The following AXIN1 variants were observed in gnomAD, a reference collection of about 807,000 sequenced individuals.
AXIN1 encodes axin-1.
AXIN1 carries 30 observed loss-of-function variants against 76.4 expected under a neutral mutation model. The observed-to-expected ratio is 0.39, with a 90% confidence interval of 0.29 to 0.53. The LOEUF is 0.53. Among genes scored for constraint, AXIN1 ranks in the 20% least tolerant of loss-of-function variants. The pLI is 0.66. For synonymous variants in AXIN1, 545 were observed against 501.4 expected, an observed-to-expected ratio of 1.09 and a Z score of -1.16; for missense variants, 1,140 against 1,198.8, an observed-to-expected ratio of 0.95 and a Z score of 0.72.
chr16:318,075 G>C, intron 2 of AXIN1, among the ~76,000 whole-genome samples: 1 of 152,250 alleles, frequency 6.6e-6, no homozygotes, highest in East Asian at 1.9e-4. Context: ...ACGGCACATG[G>C]CGTGTCTGTC....
intron 1 of AXIN1, among the ~76,000 whole-genome samples, chr16:350,059 G>A (rs562415174): frequency 3.5e-4 from 54 of 152,266 alleles, no homozygotes; most frequent in African/African-American, 1.1e-3. Flanking sequence ...CAAAGTGTTG[G>A]GATTACAGGC....
intron 2 of AXIN1, among the ~76,000 whole-genome samples, chr16:337,086 G>A (rs1338544903): frequency 7.1e-6 from 1 of 141,510 alleles, no homozygotes; most frequent in Non-Finnish European, 1.5e-5. Context: ...GGAGGGAGAG[G>A]TTGCAGTGAG....
Position 287,671 on chromosome 16 carries a change from C to G in AXIN1, c.*451G>C. 3.0e-6 allele frequency: 1 copy of G among 328,512 alleles called. No homozygotes were observed. The highest frequency in any genetic ancestry group is 4.7e-5 in the South Asian group (1 of 21,212). 20.3% of individuals were successfully genotyped at this position (328,512 alleles called of 1,614,324 possible). Reference sequence around the variant, plus strand: ...GATTCACACAGTGGCAGGCAAGAGACAAGCTGTGTTGAAGGCACTCGGTGG... The same window carrying G: ...GATTCACACAGTGGCAGGCAAGAGAGAAGCTGTGTTGAAGGCACTCGGTGG... On this transcript the variant is annotated 3_prime_UTR_variant, in exon 11 of 11. Coordinates refer to ENST00000262320, the MANE Select transcript of AXIN1 (RefSeq NM_003502.4).
rs770063899 is a variant in AXIN1, at chr16:297,185, G to C, written c.1826C>G (p.Ala609Gly). 4 of 1,610,206 alleles carry C rather than the reference G, an allele frequency of 2.5e-6. No homozygotes were observed. Among genetic ancestry groups the C allele is most frequent in the African/African-American group, 1.3e-5 (1 of 75,050 alleles). Residue 609 changes from alanine to glycine, a missense_variant, in exon 7 of 11, where the codon GCT (alanine) becomes GGT (glycine). By Grantham distance (60) the Ala-to-Gly change is moderately conservative. This residue lies in a region of AXIN1 where 429 missense variants were observed against 405.8 expected (regional missense o/e 1.06). Transcript: ENST00000262320. ...GVACKRNAKKAESGKSASTEV... is the reference protein window; with the variant it reads ...GVACKRNAKKGESGKSASTEV... The stretch of plus-strand genomic sequence containing the variant: ...GGTGCTGGCGCTCTTCCCCGACTCA[G>C]CCTTCTTGGCATTTCTTTTGCACGC...
intron 10 of AXIN1, among the ~76,000 whole-genome samples, chr16:288,560 A>G (rs1407430000): frequency 6.6e-6 from 1 of 152,330 alleles, no homozygotes; most frequent in African/African-American, 2.4e-5. Context: ...TCTGCTTCCC[A>G]AGGGCTGAGC....
At chr16:323,376 T>C (rs1831123504) in intron 2 of AXIN1, among the ~76,000 whole-genome samples, 1 of 145,708 alleles carries the variant, frequency 6.9e-6, no homozygotes, top group Admixed American at 6.9e-5. Context: ...GAGGCAGAGC[T>C]TGCAGTGAGC....
chr16:326,172 GT>G (rs1294261061), intron 2 of AXIN1, among the ~76,000 whole-genome samples: 2 of 151,560 alleles, frequency 1.3e-5, no homozygotes, highest in African/African-American at 4.9e-5. Flanking sequence ...GGCTAAAATG[GT>G]GAAACCCCAT....
chr16:350,066 A>G (rs1416262367), intron 1 of AXIN1, among the ~76,000 whole-genome samples: 1 of 152,242 alleles, frequency 6.6e-6, no homozygotes, highest in Non-Finnish European at 1.5e-5. Flanking sequence ...TTGGGATTAC[A>G]GGCCACTTTG....
At chr16:321,178 G>A (rs768425547) in intron 2 of AXIN1, among the ~76,000 whole-genome samples, 11 of 152,150 alleles carry the variant, frequency 7.2e-5, no homozygotes, top group South Asian at 2.1e-4. Flanking sequence ...TGCTACCCAC[G>A]CTCTGGGATG....
chr16:305,569 G>A (rs2052997224), intron 4 of AXIN1, among the ~76,000 whole-genome samples: 1 of 151,980 alleles, frequency 6.6e-6, no homozygotes, highest in South Asian at 2.1e-4. Context: ...TTTGAGACAG[G>A]GTCTCGCTCT....
chr16:309,629 G>C (rs570828653), intron 4 of AXIN1, among the ~76,000 whole-genome samples: 2 of 152,292 alleles, frequency 1.3e-5, no homozygotes, highest in East Asian at 1.9e-4. Flanking sequence ...GCCAGGCCTG[G>C]GCTCTGAGTC....
At chr16:303,376 G>A (rs923870693) in intron 5 of AXIN1, among the ~76,000 whole-genome samples, 8 of 151,820 alleles carry the variant, frequency 5.3e-5, no homozygotes, top group African/African-American at 1.7e-4. Context: ...CTGGCTTTGC[G>A]GGAAGTGATT....
chr16:337,743 C>T (rs1003428693), intron 2 of AXIN1, among the ~76,000 whole-genome samples: 13 of 152,356 alleles, frequency 8.5e-5, no homozygotes, highest in Admixed American at 5.2e-4. Flanking sequence ...GGCTGCAATC[C>T]ACACAAGCCA....
At chr16:289,374 C>G in intron 10 of AXIN1, 66 bp downstream of exon 10, 20 of 1,599,544 alleles carry the variant, frequency 1.3e-5, no homozygotes, top group Non-Finnish European at 1.6e-5. Flanking sequence ...TGGAAACCCT[C>G]TTTTTCATAC....
At chr16:352,268 C>A (rs1417065438) in intron 1 of AXIN1, 101 bp downstream of exon 1, 5 of 733,728 alleles carry the variant, frequency 6.8e-6, no homozygotes, top group Non-Finnish European at 6.7e-6. Context: ...CCCACCCCCT[C>A]GGTCCCACGC....
rs373536444 is a variant in AXIN1 at position 346,600 on chromosome 16, T to G, written c.426A>C (p.Arg142Ser). 1 of 1,605,338 alleles carries G rather than the reference T, an allele frequency of 6.2e-7. No homozygotes were observed. The highest frequency in any genetic ancestry group is 1.3e-5 in the African/African-American group (1 of 74,550). ...CAAGAATGTACTTTCGGTAGATGGC[T>G]CTCGCCAGCTTCAGCCTCTTCTCCT... Reference protein sequence around the residue: ...SNEEKRLKLARAIYRKYILDN... With the variant: ...SNEEKRLKLASAIYRKYILDN... The change falls in exon 2 of 11, where the codon AGA becomes AGC. Residue 142 changes from arginine (R) to serine (S), a missense_variant. Transcript: ENST00000262320.
intron 2 of AXIN1, among the ~76,000 whole-genome samples, chr16:325,307 C>CAGA (rs1473922607): frequency 6.6e-6 from 1 of 151,976 alleles, no homozygotes; most frequent in Non-Finnish European, 1.5e-5. Context: ...TAGTGCCCCC[C>CAGA]GCTGCTCCGG....
At position 329,313 on chromosome 16, in the gene AXIN1, A is replaced by G. The variant is rs1008620671; in HGVS notation, c.879-14630T>C. Among the ~76,000 whole-genome samples, 4 of 151,554 alleles carry G rather than the reference A, an allele frequency of 2.6e-5. No homozygotes were observed. In the East Asian group the frequency reaches 5.8e-4, roughly 22 times the overall value. ...AAAAAAAAGATACTGAAAAACATAC[A>G]GAGTGGGTAACATGAATTAGGATCC... On this transcript the variant is annotated intron_variant, in intron 2 of 10. Transcript: ENST00000262320.
chr16:305,027 A>G (rs2052981139), intron 4 of AXIN1, among the ~76,000 whole-genome samples: 1 of 152,180 alleles, frequency 6.6e-6, no homozygotes, highest in South Asian at 2.1e-4. Context: ...CAGGACACAC[A>G]GCCGGCGCTC....
Sources: allele counts gnomAD v4.1 joint callset (sites outside exome capture counted in the v4.1 genomes callset), GRCh38; gene constraint gnomAD v4.1.1; regional missense constraint gnomAD v4.1.1; transcripts MANE v1.5; gene names NCBI Gene and HGNC (gene_info 2026-07-23, HGNC 2026-07-21).